CNTN5: variants seen among roughly 807,000 people sequenced by gnomAD.
CNTN5 encodes contactin 5.
CNTN5 carries 77 observed loss-of-function variants against 129.1 expected under a neutral mutation model. The ratio of observed to expected loss-of-function variants is 0.60; its 90% confidence interval spans 0.50 to 0.72. CNTN5 has a LOEUF of 0.72. Ranked by LOEUF, CNTN5 falls within the 30% of genes least tolerant of loss-of-function variation. The probability of loss-of-function intolerance (pLI) is 0.00; values close to 1 mark genes in which losing one functional copy is unlikely to be tolerated. For synonymous variants in CNTN5, 509 were observed against 465.6 expected (o/e 1.09, Z -1.20); for missense variants, 1,478 against 1,328.8 (o/e 1.11, Z -1.75).
chr11:100,017,976 T>A (rs1183528527), intron 9 of CNTN5, among the ~76,000 whole-genome samples: 1 of 152,036 alleles, frequency 6.6e-6, no homozygotes, highest in Non-Finnish European at 1.5e-5. Context: ...GGTTATTGTT[T>A]GACTTTTGTT....
At chr11:99,408,313 C>A (rs1361223753) in intron 2 of CNTN5, among the ~76,000 whole-genome samples, 1 of 149,444 alleles carries the variant, frequency 6.7e-6, no homozygotes, top group Non-Finnish European at 1.5e-5. Flanking sequence ...GGAACTTCCA[C>A]CTCAGCCTTC....
intron 1 of CNTN5, among the ~76,000 whole-genome samples, chr11:99,170,139 A>G (rs1003764290): frequency 6.6e-6 from 1 of 152,098 alleles, no homozygotes; most frequent in Admixed American, 6.6e-5. Flanking sequence ...TAGGTTACTA[A>G]TATTTTGTGT....
At chr11:100,121,769 A>G (rs1946031563) in intron 13 of CNTN5, among the ~76,000 whole-genome samples, 1 of 152,038 alleles carries the variant, frequency 6.6e-6, no homozygotes. Flanking sequence ...TGGAGATTCC[A>G]TTGTAGTGGG....
intron 2 of CNTN5, among the ~76,000 whole-genome samples, chr11:99,433,347 T>G (rs373057951): frequency 4.2e-5 from 4 of 94,252 alleles, no homozygotes; most frequent in African/African-American, 1.6e-4. Context: ...TAATTTTCCT[T>G]GTAGTTTATC....
At chr11:99,156,831 T>A (rs1860358539) in intron 1 of CNTN5, among the ~76,000 whole-genome samples, 2 of 151,998 alleles carry the variant, frequency 1.3e-5, no homozygotes, top group Non-Finnish European at 2.9e-5. Flanking sequence ...ATGTGCACAG[T>A]GCTCAAATAT....
chr11:100,160,903 A>G (rs1459349150), intron 13 of CNTN5, among the ~76,000 whole-genome samples: 1 of 151,870 alleles, frequency 6.6e-6, no homozygotes, highest in Non-Finnish European at 1.5e-5. Context: ...AAGAGACTTA[A>G]GTTGTATAAC....
intron 3 of CNTN5, among the ~76,000 whole-genome samples, chr11:99,743,070 T>C (rs1036436758): frequency 1.3e-5 from 2 of 152,140 alleles, no homozygotes; most frequent in African/African-American, 4.8e-5. Flanking sequence ...GCACTTCAAA[T>C]GAAGGGATAA....
At chr11:99,714,614 TTTA>T (rs1295798249) in intron 3 of CNTN5, among the ~76,000 whole-genome samples, 6 of 151,888 alleles carry the variant, frequency 4.0e-5, no homozygotes, top group African/African-American at 1.4e-4. Flanking sequence ...AAATATAGAT[TTTA>T]TTATACATTT....
At chr11:99,379,595 A>G (rs945116292) in intron 2 of CNTN5, among the ~76,000 whole-genome samples, 3 of 152,202 alleles carry the variant, frequency 2.0e-5, no homozygotes, top group African/African-American at 7.2e-5. Flanking sequence ...AGCATGAGCT[A>G]TTTTTAAAGT....
At chr11:99,568,195 G>A (rs1425984800) in intron 3 of CNTN5, among the ~76,000 whole-genome samples, 1 of 152,180 alleles carries the variant, frequency 6.6e-6, no homozygotes, top group Non-Finnish European at 1.5e-5. Flanking sequence ...AGATGACATG[G>A]ACATCATCTC....
chr11:99,057,850 T>C (rs193299975), intron 1 of CNTN5, among the ~76,000 whole-genome samples: 112 of 149,784 alleles, frequency 7.5e-4, no homozygotes, highest in Admixed American at 5.3e-3. Context: ...GGAAGGATGT[T>C]GGTAGTATTG....
At chr11:100,060,640 CT>C (rs10700520) in intron 9 of CNTN5, among the ~76,000 whole-genome samples, 25,804 of 137,246 alleles carry the variant, frequency 0.19, 2,762 homozygotes, top group African/African-American at 0.32. Context: ...AATTTTTTTT[CT>C]TTTTTTTTTT....
intron 21 of CNTN5, among the ~76,000 whole-genome samples, chr11:100,313,240 T>A (rs1378199052): frequency 6.6e-6 from 1 of 151,890 alleles, no homozygotes; most frequent in East Asian, 1.9e-4. Flanking sequence ...GAAAGAAAGG[T>A]CAGAGAATTG....
chr11:99,434,389 G>A (rs772903327), intron 2 of CNTN5, among the ~76,000 whole-genome samples: 20 of 152,046 alleles, frequency 1.3e-4, no homozygotes, highest in African/African-American at 1.9e-4. Context: ...CTTGAGATTC[G>A]GAGGTTTTTG....
intron 1 of CNTN5, among the ~76,000 whole-genome samples, chr11:99,133,643 C>CGCAGA (rs1859069083): frequency 8.5e-6 from 1 of 117,620 alleles, no homozygotes; most frequent in Non-Finnish European, 1.8e-5. Flanking sequence ...ATACATGCAG[C>CGCAGA]TAACATGAAA....
chr11:99,315,379 G>T (rs1467070781), intron 1 of CNTN5, among the ~76,000 whole-genome samples: 1 of 149,450 alleles, frequency 6.7e-6, no homozygotes, highest in Non-Finnish European at 1.5e-5. Flanking sequence ...ATAGTTTAAA[G>T]GGCAAGATGG....
intron 13 of CNTN5, among the ~76,000 whole-genome samples, chr11:100,113,024 T>C (rs1945705619): frequency 6.6e-6 from 1 of 152,100 alleles, no homozygotes; most frequent in East Asian, 1.9e-4. Context: ...ATGCTAGTCA[T>C]TAGAGTTAAA....
chr11:99,355,173 C>T (rs142197967), intron 2 of CNTN5, among the ~76,000 whole-genome samples: 12 of 152,220 alleles, frequency 7.9e-5, no homozygotes, highest in East Asian at 3.9e-4. Context: ...TAACATGTTT[C>T]GTTTTTCTTC....
chr11:99,832,577 A>T (rs1255441017), intron 4 of CNTN5, among the ~76,000 whole-genome samples: 1 of 152,198 alleles, frequency 6.6e-6, no homozygotes, highest in East Asian at 1.9e-4. Flanking sequence ...AGTTTCATAA[A>T]CTTCATTTCA....
Sources: gnomAD v4.1 joint callset for allele counts (sites outside exome capture counted in the v4.1 genomes callset) on GRCh38, gnomAD v4.1.1 for gene constraint, MANE v1.5 for transcripts, NCBI Gene and HGNC (gene_info 2026-07-23, HGNC 2026-07-21) for gene names.